Variants in DLG2 observed in about 807,000 individuals in gnomAD.
DLG2 encodes discs large MAGUK scaffold protein 2.
In DLG2, 45 loss-of-function variants were observed where a neutral mutation model predicts 132.5. That is an observed-to-expected ratio of 0.34 (90% confidence interval 0.27 to 0.44). DLG2 has a LOEUF of 0.44. Among genes scored for constraint, DLG2 ranks in the 20% least tolerant of loss-of-function variants. The pLI, the probability that DLG2 is intolerant of heterozygous loss-of-function variation, is 1.00. For synonymous variants in DLG2, 424 were observed against 419.6 expected (o/e 1.01, Z -0.13); for missense variants, 1,045 against 1,196.9 (o/e 0.87, Z 1.87).
intron 7 of DLG2, among the ~76,000 whole-genome samples, chr11:84,484,235 T>C (rs2099145301): frequency 6.6e-6 from 1 of 152,186 alleles, no homozygotes; most frequent in Non-Finnish European, 1.5e-5. Flanking sequence ...ATATGTCACT[T>C]CTTGGTGGAT....
chr11:84,493,519 C>T (rs1451095708), intron 7 of DLG2, among the ~76,000 whole-genome samples: 1 of 152,030 alleles, frequency 6.6e-6, no homozygotes, highest in Non-Finnish European at 1.5e-5. Flanking sequence ...TTTTATGCAT[C>T]ACACATTGCT....
At chr11:85,102,510 G>A (rs2152280991) in intron 6 of DLG2, among the ~76,000 whole-genome samples, 1 of 152,074 alleles carries the variant, frequency 6.6e-6, no homozygotes, top group East Asian at 1.9e-4. Flanking sequence ...ATTCTCAATA[G>A]AAAGCCAATA....
At chr11:85,284,783 G>T (rs2078452660) in intron 4 of DLG2, among the ~76,000 whole-genome samples, 1 of 151,792 alleles carries the variant, frequency 6.6e-6, no homozygotes, top group South Asian at 2.1e-4. Context: ...TAAAAGAACT[G>T]GAAATAGGAA....
At chr11:84,615,841 CT>C (rs796269224) in intron 6 of DLG2, among the ~76,000 whole-genome samples, 1 of 65,930 alleles carries the variant, frequency 1.5e-5, no homozygotes, top group African/African-American at 7.1e-5. Flanking sequence ...AAAAAAAAAA[CT>C]TCATTCCAGT....
At chr11:85,490,928 C>T (rs566918690) in intron 3 of DLG2, among the ~76,000 whole-genome samples, 2 of 152,170 alleles carry the variant, frequency 1.3e-5, no homozygotes, top group African/African-American at 2.4e-5. Context: ...ATCTATGAGG[C>T]CGGTACCATC....
intron 7 of DLG2, among the ~76,000 whole-genome samples, chr11:84,458,326 T>G (rs2099070868): frequency 6.6e-6 from 1 of 150,896 alleles, no homozygotes; most frequent in Non-Finnish European, 1.5e-5. Flanking sequence ...TTGAGACTTC[T>G]GCTAAGTGTT....
chr11:84,769,615 C>T (rs1283662964), intron 6 of DLG2, among the ~76,000 whole-genome samples: 1 of 152,006 alleles, frequency 6.6e-6, no homozygotes, highest in East Asian at 1.9e-4. Context: ...CATTTAGATA[C>T]AAGAAACCTA....
chr11:84,084,543 C>CTTACCATT (rs2096947949), intron 10 of DLG2, among the ~76,000 whole-genome samples: 1 of 152,026 alleles, frequency 6.6e-6, no homozygotes, highest in African/African-American at 2.4e-5. Flanking sequence ...GGGCCTGGTG[C>CTTACCATT]TTACCATTTT....
chr11:84,959,321 T>C (rs1001784641), intron 6 of DLG2, among the ~76,000 whole-genome samples: 1 of 152,194 alleles, frequency 6.6e-6, no homozygotes, highest in African/African-American at 2.4e-5. Flanking sequence ...AATGAATGTA[T>C]AATAATTACT....
chr11:83,685,671 T>G (rs532880239), intron 18 of DLG2, among the ~76,000 whole-genome samples: 1 of 152,262 alleles, frequency 6.6e-6, no homozygotes, highest in East Asian at 1.9e-4. Flanking sequence ...AAATGCCATC[T>G]GTAGATCAAA....
At chr11:84,706,177 C>A (rs2059757716) in intron 6 of DLG2, among the ~76,000 whole-genome samples, 1 of 151,644 alleles carries the variant, frequency 6.6e-6, no homozygotes, top group Non-Finnish European at 1.5e-5. Context: ...AGGCACTAGG[C>A]AAGTTTAGAA....
At chr11:84,302,203 G>C (rs779304891) in intron 7 of DLG2, among the ~76,000 whole-genome samples, 33 of 152,126 alleles carry the variant, frequency 2.2e-4, no homozygotes, top group Non-Finnish European at 4.1e-4. Context: ...TGCTGGGGTT[G>C]AGGGGCTAGG....
chr11:83,812,687 A>G lies in DLG2; in HGVS notation c.1722+20927T>C, dbSNP rs556894436. Among the ~76,000 whole-genome samples the G allele has an allele frequency of 5.9e-5, 9 of 152,328 alleles. No individual in the cohort carries two copies. The South Asian group carries it at 1.7e-3, about 28-fold the overall frequency. On this transcript the variant is annotated intron_variant, in intron 17 of 27. Coordinates refer to ENST00000376104, the MANE Select transcript of DLG2 (RefSeq NM_001142699.3). ...AATAATGCTTTGCCTGTTTCCTAAC[A>G]TTCAACCTCAGTGTGAACTCCTTCA...
intron 4 of DLG2, among the ~76,000 whole-genome samples, chr11:85,212,165 C>T (rs757651501): frequency 1.3e-5 from 2 of 152,074 alleles, no homozygotes; most frequent in Non-Finnish European, 2.9e-5. Context: ...AAGAGTAGTA[C>T]ACCTCGACCC....
intron 6 of DLG2, among the ~76,000 whole-genome samples, chr11:84,563,929 G>A (rs970917125): frequency 2.0e-5 from 3 of 152,044 alleles, no homozygotes; most frequent in Non-Finnish European, 4.4e-5. Context: ...CATGTTCATC[G>A]TGAAAAACAT....
chr11:84,263,414 G>A (rs1414552820), intron 7 of DLG2, among the ~76,000 whole-genome samples: 1 of 152,132 alleles, frequency 6.6e-6, no homozygotes, highest in Admixed American at 6.6e-5. Context: ...ATAATGTCCT[G>A]TATGCCTTAG....
chr11:83,554,471 C>T (rs76122335), intron 19 of DLG2, among the ~76,000 whole-genome samples: 2,610 of 152,104 alleles, frequency 0.017, 77 homozygotes, highest in African/African-American at 0.059. Context: ...ATGTAAAACT[C>T]CTATATCAGG....
intron 7 of DLG2, among the ~76,000 whole-genome samples, chr11:84,422,159 T>C (rs986649559): frequency 1.3e-5 from 2 of 152,208 alleles, no homozygotes; most frequent in Non-Finnish European, 2.9e-5. Context: ...TAAATGAGAA[T>C]ACATTATGCA....
intron 17 of DLG2, chr11:83,790,333 A>G (rs2041201980): frequency 1.1e-6 from 1 of 874,026 alleles, no homozygotes; most frequent in Non-Finnish European, 1.9e-6. Flanking sequence ...TTAAAAGGTA[A>G]CAGTCTTCAG....
Sources: allele counts gnomAD v4.1 joint callset (sites outside exome capture counted in the v4.1 genomes callset), GRCh38; gene constraint gnomAD v4.1.1; transcripts MANE v1.5; gene names NCBI Gene and HGNC (gene_info 2026-07-23, HGNC 2026-07-21).